The following RUBCNL variants were observed in gnomAD, a reference collection of about 807,000 sequenced individuals.
The protein encoded by RUBCNL is protein associated with UVRAG as autophagy enhancer.
A neutral mutation model predicts 69.5 loss-of-function variants in RUBCNL; 62 were observed. The observed-to-expected ratio is 0.89, with a 90% CI of 0.73 to 1.10. The LOEUF is 1.10. Among genes scored for constraint, RUBCNL ranks in the 50% least tolerant of loss-of-function variants. The probability of loss-of-function intolerance (pLI) is 0.00; values close to 1 mark genes in which losing one functional copy is unlikely to be tolerated. For missense variants in RUBCNL, 768 were observed against 798.1 expected (o/e 0.96, Z 0.45); for synonymous variants, 291 against 303.6 (o/e 0.96, Z 0.43).
chr13:46,360,594 G>A (rs1338060359), intron 8 of RUBCNL, among the ~76,000 whole-genome samples: 1 of 152,172 alleles, frequency 6.6e-6, no homozygotes, highest in East Asian at 1.9e-4. Context: ...CACAGTTCTG[G>A]CCAGCCCAAT....
chr13:46,359,729 C>T, intron 8 of RUBCNL, 98 bp from the exon 9 acceptor site: 3 of 1,213,698 alleles, frequency 2.5e-6, no homozygotes, highest in Non-Finnish European at 2.2e-6. Flanking sequence ...TTAAAATTTA[C>T]CATGAAAAAT....
intron 9 of RUBCNL, among the ~76,000 whole-genome samples, chr13:46,357,631 C>CTT (rs61684147): frequency 2.2e-5 from 3 of 137,442 alleles, no homozygotes; most frequent in Non-Finnish European, 3.1e-5. Flanking sequence ...AATTTTCTTT[C>CTT]TTTTTTTTTT....
upstream of RUBCNL, chr13:46,387,916 C>T (rs2049284626): frequency 2.1e-6 from 2 of 940,690 alleles, no homozygotes; most frequent in South Asian, 4.9e-5. Flanking sequence ...CGAATAGAAA[C>T]CTAAGCTCTG....
In RUBCNL at chr13:46,372,421, T is replaced by A. The variant is rs2048899996; in HGVS notation, c.55A>T (p.Ile19Phe). The A allele has an allele frequency of 6.2e-7, 1 of 1,612,682 alleles. No individual in the cohort carries two copies. ...TCAATAATGCCAGAGTGATCGCTGA[T>A]CCCTTCCCAGGGCTCCACAGGAGAA... is the stretch of plus-strand genomic sequence containing the variant. ...QDSPVEPWEG[I>F]SDHSGIIDGS... The change falls in exon 3 of 15, where the codon ATC (isoleucine) becomes TTC (phenylalanine). Residue 19 changes from isoleucine (I) to phenylalanine (F), a missense_variant. By Grantham distance (21) the Ile-to-Phe change is conservative. Transcript: ENST00000429979.
upstream of RUBCNL, among the ~76,000 whole-genome samples, chr13:46,389,622 G>A (rs1294677280): frequency 6.6e-6 from 1 of 152,192 alleles, no homozygotes; most frequent in Non-Finnish European, 1.5e-5. This position sits in a 1 kb window ranked among gnomAD's most constrained non-coding sequence, Gnocchi z 4.2. Context: ...TCTCAAAACT[G>A]CCATAAGGCA....
chr13:46,382,575 G>A (rs543356251), intron 1 of RUBCNL, among the ~76,000 whole-genome samples: 2 of 151,976 alleles, frequency 1.3e-5, no homozygotes, highest in Admixed American at 6.5e-5. Context: ...TCTTGTCACC[G>A]AGGCTGGAGT....
At chr13:46,381,115 A>G (rs2049107440) in intron 1 of RUBCNL, among the ~76,000 whole-genome samples, 1 of 152,168 alleles carries the variant, frequency 6.6e-6, no homozygotes, top group Non-Finnish European at 1.5e-5. Context: ...TCCTGGATAT[A>G]TATACCCAAG....
At position 46,349,978 on chromosome 13, in the gene RUBCNL, C is replaced by A. The variant is rs913191321; in HGVS notation, c.1569+135G>T. 1.7e-4 allele frequency: 117 copies of A among 703,478 alleles called. No homozygotes were observed. In the South Asian group the frequency reaches 2.2e-3, roughly 13 times the overall value. The allele number at this position is 703,478 out of a possible 1,614,324, so 43.6% of individuals were successfully genotyped here. A position where few individuals can be genotyped will look rare whatever the true frequency, so the allele number is the denominator to read the frequency against. On this transcript the variant is annotated intron_variant, in intron 11 of 14. Transcript: ENST00000429979. ...GGATTACAGGTGTGAGCCCCTGCGC[C>A]CAGCCGCTTCACTCGCTTTATGATC...
At chr13:46,361,245 T>C (rs1215198943) in intron 8 of RUBCNL, among the ~76,000 whole-genome samples, 196 bp downstream of exon 8, 1 of 151,870 alleles carries the variant, frequency 6.6e-6, no homozygotes, top group Non-Finnish European at 1.5e-5. Flanking sequence ...ATAAATAAAA[T>C]AAAATAATGT....
Position 46,335,242 on chromosome 13 carries a change from T to TTTTTTTGTTGTTG in RUBCNL, c.*8142_*8143insCAACAACAAAAAA, listed in dbSNP as rs1555333093. On this transcript the variant is annotated 3_prime_UTR_variant, in exon 15 of 15. Transcript: ENST00000429979. ...ATTGTGCCCAGCTAATTTGTGTCTT[T>TTTTTTTGTTGTTG]TTGTTGTTGTTGTTGTTGTTTTTTT... is the stretch of plus-strand genomic sequence containing the variant. Among the ~76,000 whole-genome samples, 1 of 142,096 alleles carries TTTTTTTGTTGTTG rather than the reference T, an allele frequency of 7.0e-6. No homozygotes were observed. The highest frequency in any genetic ancestry group is 1.5e-5 in the Non-Finnish European group (1 of 66,740). 93.2% of individuals were successfully genotyped at this position (142,096 alleles called of 152,430 possible).
intron 10 of RUBCNL, chr13:46,350,567 C>T (rs747127642): frequency 1.4e-5 from 6 of 435,818 alleles, no homozygotes; most frequent in Admixed American, 4.1e-5. Flanking sequence ...GTGGAACAGA[C>T]GTCAGAAAAA....
intron 1 of RUBCNL, among the ~76,000 whole-genome samples, chr13:46,384,025 A>G (rs575953545): frequency 6.6e-6 from 1 of 152,320 alleles, no homozygotes; most frequent in African/African-American, 2.4e-5. Context: ...CAGACTGCCT[A>G]TACCTTGGCA....
chr13:46,387,282 C>G, upstream of RUBCNL: 1 of 985,458 alleles, frequency 1.0e-6, no homozygotes, highest in African/African-American at 1.7e-5. Flanking sequence ...GAGGGGACAG[C>G]GACGCCCCGA....
In RUBCNL at chr13:46,349,613, G is replaced by C. The variant is rs185711604; in HGVS notation, c.1570-266C>G. ...AAGAAAAACATAATACTAAGTATAA[G>C]ATTCAGTGTGGGGCCTTGGAAAGAG... On this transcript the variant is annotated intron_variant, in intron 11 of 14. Transcript: ENST00000429979. Among the ~76,000 whole-genome samples, 34 of 151,770 alleles carry C rather than the reference G, an allele frequency of 2.2e-4. No homozygotes were observed. In the East Asian group the frequency reaches 6.2e-3, roughly 28 times the overall value.
chr13:46,378,115 T>A, intron 1 of RUBCNL, 110 bp from the exon 2 acceptor site: 1 of 609,922 alleles, frequency 1.6e-6, no homozygotes, highest in Non-Finnish European at 2.8e-6. Context: ...AATATTTTTT[T>A]ACTGAGCATC....
At chr13:46,382,188 G>A (rs1212623038) in intron 1 of RUBCNL, among the ~76,000 whole-genome samples, 3 of 152,008 alleles carry the variant, frequency 2.0e-5, no homozygotes, top group Non-Finnish European at 4.4e-5. Flanking sequence ...AATAAGAATA[G>A]GAAATGCTCA....
intron 5 of RUBCNL, among the ~76,000 whole-genome samples, chr13:46,366,481 A>G (rs529510829): frequency 3.3e-5 from 5 of 152,368 alleles, no homozygotes; most frequent in Admixed American, 6.5e-5. Flanking sequence ...TACACTGGTC[A>G]TATGTGTCCC....
At chr13:46,374,883 T>C (rs539772358) in intron 2 of RUBCNL, among the ~76,000 whole-genome samples, 1 of 152,274 alleles carries the variant, frequency 6.6e-6, no homozygotes, top group South Asian at 2.1e-4. Flanking sequence ...GAAATGCTCC[T>C]CCCCCAGATG....
At chr13:46,388,461 G>A (rs1299038105), upstream of RUBCNL, among the ~76,000 whole-genome samples, 2 of 148,064 alleles carry the variant, frequency 1.4e-5, no homozygotes, top group East Asian at 4.0e-4. Flanking sequence ...AGGAAGGAAG[G>A]TAGAAGGAAG....
Sources: allele counts gnomAD v4.1 joint callset (sites outside exome capture counted in the v4.1 genomes callset), GRCh38; gene constraint gnomAD v4.1.1; non-coding constraint Gnocchi (gnomAD v3.1); transcripts MANE v1.5; gene names NCBI Gene and HGNC (gene_info 2026-07-23, HGNC 2026-07-21).